The following RORA variants were observed in gnomAD, a reference collection of about 807,000 sequenced individuals.
RORA encodes the protein RAR related orphan receptor A, also known as nuclear receptor ROR-alpha.
A neutral mutation model predicts 69.5 loss-of-function variants in RORA; 7 were observed. That is an observed-to-expected ratio of 0.10 (90% CI 0.06 to 0.19). RORA has a LOEUF of 0.19. Among genes scored for constraint, RORA ranks in the 10% least tolerant of loss-of-function variants. The probability of loss-of-function intolerance (pLI) is 1.00; values close to 1 mark genes in which losing one functional copy is unlikely to be tolerated. For synonymous variants in RORA, 261 were observed against 240.8 expected (o/e 1.08, Z -0.78); for missense variants, 457 against 663.0 (o/e 0.69, Z 3.41).
At chr15:60,731,446 G>T (rs2071427194) in intron 1 of RORA, among the ~76,000 whole-genome samples, 1 of 152,104 alleles carries the variant, frequency 6.6e-6, no homozygotes, top group Non-Finnish European at 1.5e-5. Context: ...ACTAGGGAGA[G>T]GCAGACACAA....
intron 1 of RORA, among the ~76,000 whole-genome samples, chr15:60,889,221 T>C (rs2073785310): frequency 6.6e-6 from 1 of 152,206 alleles, no homozygotes; most frequent in South Asian, 2.1e-4. Flanking sequence ...GGTGCTGTGC[T>C]TCCAGCACCA....
chr15:61,086,969 T>C (rs2078634856), intron 1 of RORA, among the ~76,000 whole-genome samples: 1 of 152,152 alleles, frequency 6.6e-6, no homozygotes, highest in Non-Finnish European at 1.5e-5. Flanking sequence ...GTCCAGGAGT[T>C]TGAGACCAGC....
At chr15:60,889,868 C>T (rs751423845) in intron 1 of RORA, among the ~76,000 whole-genome samples, 4 of 152,146 alleles carry the variant, frequency 2.6e-5, no homozygotes, top group South Asian at 2.1e-4. Flanking sequence ...ACGTAAATCA[C>T]GACAACTCTT....
At chr15:60,620,813 C>A (rs1015767073) in intron 2 of RORA, among the ~76,000 whole-genome samples, 1 of 152,226 alleles carries the variant, frequency 6.6e-6, no homozygotes, top group Non-Finnish European at 1.5e-5. Context: ...GGCACCCTGG[C>A]GCTGATGGCT....
rs71125904 is a variant in RORA, at chr15:61,128,204, CGT to C, written c.166+100847_166+100848del. Among the ~76,000 whole-genome samples the C allele has an allele frequency of 3.3e-3, 500 of 150,042 alleles. 4 individuals are homozygous for C. Among genetic ancestry groups the C allele is most frequent in the Middle Eastern group, 7.0e-3 (2 of 286 alleles). On this transcript the variant is annotated intron_variant, in intron 1 of 10. Transcript: ENST00000335670. The surrounding 1 kb of genome is among the most constrained non-coding windows in gnomAD (Gnocchi z 4.5). The stretch of plus-strand genomic sequence containing the variant: ...TAATTGCTGTGTGTGTGTATGCACA[CGT>C]GTGTGTGTGTGTGTGTGTCTGTGTG...
chr15:60,706,607 G>T (rs540172771), intron 1 of RORA, among the ~76,000 whole-genome samples: 1 of 152,306 alleles, frequency 6.6e-6, no homozygotes, highest in South Asian at 2.1e-4. Context: ...TTGTCCTGCT[G>T]CAAGTGCTGC....
intron 1 of RORA, among the ~76,000 whole-genome samples, chr15:61,041,567 T>C (rs972038524): frequency 6.6e-6 from 1 of 152,198 alleles, no homozygotes; most frequent in Admixed American, 6.5e-5. Context: ...TTATTTACTT[T>C]ATTTATTTTA....
intron 1 of RORA, among the ~76,000 whole-genome samples, chr15:61,070,416 C>T (rs2078324430): frequency 6.6e-6 from 1 of 152,138 alleles, no homozygotes; most frequent in Non-Finnish European, 1.5e-5. Context: ...TAGAAGAGAC[C>T]CCAACACCAT....
At chr15:60,930,315 C>G (rs535133730) in intron 1 of RORA, among the ~76,000 whole-genome samples, 1 of 152,092 alleles carries the variant, frequency 6.6e-6, no homozygotes, top group Admixed American at 6.6e-5. Flanking sequence ...CATTTCTAAA[C>G]AGGAAGAGGG....
At chr15:60,769,382 C>T (rs981142663) in intron 1 of RORA, among the ~76,000 whole-genome samples, 2 of 152,016 alleles carry the variant, frequency 1.3e-5, no homozygotes, top group African/African-American at 4.8e-5. Context: ...GGAATCTGGA[C>T]TAGTAATATC....
chr15:61,178,554 C>T (rs543685796), intron 1 of RORA, among the ~76,000 whole-genome samples: 1 of 152,060 alleles, frequency 6.6e-6, no homozygotes, highest in South Asian at 2.1e-4. Context: ...ACTGGTAGTG[C>T]TGTGTCTACT....
chr15:60,800,113 G>A (rs193048313), intron 1 of RORA, among the ~76,000 whole-genome samples: 27 of 152,256 alleles, frequency 1.8e-4, no homozygotes, highest in African/African-American at 5.3e-4. Flanking sequence ...AACTGGCTAC[G>A]GTGAGAGTAT....
At chr15:61,140,613 A>G (rs1343764630) in intron 1 of RORA, among the ~76,000 whole-genome samples, 4 of 151,248 alleles carry the variant, frequency 2.6e-5, no homozygotes, top group Non-Finnish European at 5.9e-5. Flanking sequence ...CCACTGGTGA[A>G]CTAGAGATCT....
chr15:61,194,209 T>C (rs1596063265), intron 1 of RORA: 1 of 152,186 alleles, frequency 6.6e-6, no homozygotes, highest in African/African-American at 2.4e-5. Context: ...AAAATGCACA[T>C]GGGGTGCAAG....
chr15:60,869,546 T>A (rs1028992620), intron 1 of RORA, among the ~76,000 whole-genome samples: 18 of 152,172 alleles, frequency 1.2e-4, no homozygotes, highest in Non-Finnish European at 4.4e-5. Flanking sequence ...CCAAATAGAC[T>A]CTTATCAACA....
At position 61,130,596 on chromosome 15, in the gene RORA, T is replaced by C. The variant is rs915867776; in HGVS notation, c.166+98457A>G. ...TAAAGTATTGAGTAAGTAATTAATA[T>C]ATTTGGGGCTTAATTTCCTCCTCCA... On this transcript the variant is annotated intron_variant, in intron 1 of 10. Transcript: ENST00000335670. 9.2e-5 allele frequency among the ~76,000 whole-genome samples: 14 copies of C among 152,326 alleles called. No homozygotes were observed. The East Asian group carries it at 2.3e-3, about 25-fold the overall frequency.
chr15:61,050,718 G>C (rs1897252276), intron 1 of RORA, among the ~76,000 whole-genome samples: 1 of 152,186 alleles, frequency 6.6e-6, no homozygotes. Context: ...CCTGCGATAA[G>C]AGTAAGACCT....
At chr15:60,558,430 A>C in intron 2 of RORA, 1 of 609,542 alleles carries the variant, frequency 1.6e-6, no homozygotes. Flanking sequence ...ATAATTTAAT[A>C]GATCTCATAC....
intron 1 of RORA, among the ~76,000 whole-genome samples, chr15:60,902,198 T>C (rs965488218): frequency 2.0e-5 from 3 of 152,214 alleles, no homozygotes; most frequent in Non-Finnish European, 4.4e-5. Flanking sequence ...AAGCTGTCCT[T>C]GTAGTGTCAT....
Sources: gnomAD v4.1 joint callset for allele counts (sites outside exome capture counted in the v4.1 genomes callset) on GRCh38, gnomAD v4.1.1 for gene constraint, Gnocchi (gnomAD v3.1) non-coding constraint, MANE v1.5 for transcripts, NCBI Gene and HGNC (gene_info 2026-07-23, HGNC 2026-07-21) for gene names.